The following DCAF8L2 variants were observed in gnomAD, a reference collection of about 807,000 sequenced individuals.
The protein encoded by DCAF8L2 is DDB1- and CUL4-associated factor 8-like protein 2.
For missense variants in DCAF8L2, 430 were observed against 490.7 expected (o/e 0.88, Z 1.17); for synonymous variants, 200 against 190.9 (o/e 1.05, Z -0.39).
At chrX:27,654,449 T>C (rs1370700876) in intron 2 of DCAF8L2, among the ~76,000 whole-genome samples, 1 of 112,167 alleles carries the variant, frequency 8.9e-6, no homozygotes, top group Non-Finnish European at 1.9e-5. Context: ...GTATTTCCTA[T>C]ATCTGAAATA....
Position 27,748,352 on chromosome X carries a change from T to G in DCAF8L2, c.1457T>G (p.Val486Gly). The change falls in exon 5 of 5, where the codon GTG becomes GGG. Residue 486 changes from valine (V) to glycine (G), a missense_variant. Physicochemically the swap from Val to Gly is moderately radical, Grantham distance 109. Coordinates refer to ENST00000451261, the MANE Select transcript of DCAF8L2 (RefSeq NM_001353450.2). ...TATGGCCCCAGGAGTGAGTTTGTAG[T>G]GAGCGGTAGTGATTGCGGGCACATC... ...NFYGPRSEFV[V>G]SGSDCGHIFF... 8.3e-7 allele frequency: 1 copy of G among 1,206,510 alleles called. No individual in the cohort carries two copies. Among genetic ancestry groups the G allele is most frequent in the South Asian group, 1.8e-5 (1 of 56,292 alleles).
At position 27,680,911 on chromosome X, in the gene DCAF8L2, TG is replaced by T. The variant is rs763565336; in HGVS notation, c.-143+3000del. Among the ~76,000 whole-genome samples, 145 of 112,340 alleles carry T rather than the reference TG, an allele frequency of 1.3e-3. 1 individual carries two copies. The highest frequency in any genetic ancestry group is 5.3e-4 in the Non-Finnish European group (28 of 53,277). ...ATAGCTGGATTCAGAAGGTTAAATC[TG>T]CATTCTTGTTCACTTAGTAGCACAC... is the stretch of plus-strand genomic sequence containing the variant. On this transcript the variant is annotated intron_variant, in intron 3 of 4. Transcript: ENST00000451261.
intron 1 of DCAF8L2, among the ~76,000 whole-genome samples, chrX:27,592,227 C>T (rs1052225730): frequency 8.9e-6 from 1 of 111,741 alleles, no homozygotes; most frequent in Non-Finnish European, 1.9e-5. Context: ...GTCATAGTAC[C>T]TGGGCCTCAG....
intron 3 of DCAF8L2, among the ~76,000 whole-genome samples, chrX:27,679,381 A>G (rs758543968): frequency 5.1e-4 from 57 of 111,186 alleles, no homozygotes; most frequent in African/African-American, 1.8e-3. Flanking sequence ...TGGTTTGAAG[A>G]AGGGGAAGTA....
chrX:27,659,625 T>A (rs964025311), intron 2 of DCAF8L2, among the ~76,000 whole-genome samples: 7 of 109,598 alleles, frequency 6.4e-5, no homozygotes, highest in African/African-American at 2.4e-4. Context: ...GCTCTCTTCA[T>A]TTTTTTTTCC....
intron 4 of DCAF8L2, among the ~76,000 whole-genome samples, chrX:27,730,216 C>T (rs182542244): frequency 3.3e-4 from 37 of 111,710 alleles, no homozygotes; most frequent in African/African-American, 1.1e-3. Flanking sequence ...ATTGGATTTT[C>T]TGCTAGTTTG....
At chrX:27,579,740 A>G in the DCAF8L2 span, among the ~76,000 whole-genome samples, 1 of 109,202 alleles carries the variant, frequency 9.2e-6, no homozygotes, top group African/African-American at 3.3e-5. Context: ...TATTTTATTC[A>G]TATACATCAG....
At chrX:27,620,142 A>C (rs1927686712) in intron 1 of DCAF8L2, among the ~76,000 whole-genome samples, 1 of 111,983 alleles carries the variant, frequency 8.9e-6, no homozygotes, top group Admixed American at 9.5e-5. Flanking sequence ...AAAATTTGAG[A>C]GCTCAATATC....
the DCAF8L2 span, among the ~76,000 whole-genome samples, chrX:27,473,907 T>C: frequency 2.7e-3 from 303 of 111,302 alleles, no homozygotes; most frequent in Non-Finnish European, 5.0e-3. Context: ...GAGGTTGCTC[T>C]GGGCGTATAC....
the DCAF8L2 span, among the ~76,000 whole-genome samples, chrX:27,543,385 G>T: frequency 8.9e-6 from 1 of 112,013 alleles, no homozygotes; most frequent in East Asian, 2.8e-4. Flanking sequence ...GGTTACTGTA[G>T]CCTTGTAATA....
At chrX:27,597,165 T>A (rs764146403) in intron 1 of DCAF8L2, among the ~76,000 whole-genome samples, 26 of 112,185 alleles carry the variant, frequency 2.3e-4, no homozygotes, top group Non-Finnish European at 4.9e-4. Flanking sequence ...ATATAAATAT[T>A]TGTTTAAAAT....
At chrX:27,711,750 G>A (rs1289185333) in intron 3 of DCAF8L2, among the ~76,000 whole-genome samples, 1 of 110,462 alleles carries the variant, frequency 9.1e-6, no homozygotes, top group African/African-American at 3.3e-5. Context: ...TCCCTCCATT[G>A]AATTTTCTTA....
intron 1 of DCAF8L2, among the ~76,000 whole-genome samples, chrX:27,608,002 A>T (rs780575470): frequency 5.4e-5 from 6 of 111,958 alleles, no homozygotes; most frequent in African/African-American, 1.9e-4. Flanking sequence ...ATATGTAATA[A>T]TATGACTAAG....
chrX:27,489,975 C>T, the DCAF8L2 span, among the ~76,000 whole-genome samples: 1 of 111,701 alleles, frequency 9.0e-6, no homozygotes, highest in East Asian at 2.8e-4. Context: ...TCCCTGATCT[C>T]CAGCCATCCT....
the DCAF8L2 span, among the ~76,000 whole-genome samples, chrX:27,538,455 A>T: frequency 9.0e-6 from 1 of 110,632 alleles, no homozygotes; most frequent in Non-Finnish European, 1.9e-5. Flanking sequence ...GTGCAGTGGC[A>T]TGATCTTGGC....
chrX:27,621,162 G>T (rs1418086949), intron 1 of DCAF8L2, among the ~76,000 whole-genome samples: 1 of 111,534 alleles, frequency 9.0e-6, no homozygotes, highest in Admixed American at 9.6e-5. Flanking sequence ...CAGAGGCTGG[G>T]GAGAGGGGAG....
the DCAF8L2 span, among the ~76,000 whole-genome samples, chrX:27,573,148 C>T: frequency 2.7e-5 from 3 of 110,571 alleles, no homozygotes; most frequent in Non-Finnish European, 5.7e-5. Flanking sequence ...AGATTATTTT[C>T]ACTTAATTAC....
At chrX:27,730,913 A>G (rs1242599580) in intron 4 of DCAF8L2, among the ~76,000 whole-genome samples, 2 of 111,272 alleles carry the variant, frequency 1.8e-5, no homozygotes, top group Admixed American at 1.9e-4. Context: ...CGTCAGAGAT[A>G]GAGCTCCCAA....
At chrX:27,725,036 C>A (rs183187213) in intron 4 of DCAF8L2, among the ~76,000 whole-genome samples, 62 of 111,099 alleles carry the variant, frequency 5.6e-4, no homozygotes, top group African/African-American at 1.7e-3. Flanking sequence ...TTATGAGACT[C>A]ATATCAAGTA....
Sources: allele counts gnomAD v4.1 joint callset (sites outside exome capture counted in the v4.1 genomes callset), GRCh38; gene constraint gnomAD v4.1.1; transcripts MANE v1.5; gene names NCBI Gene and HGNC (gene_info 2026-07-23, HGNC 2026-07-21).